The following CLN6 variants were observed in gnomAD, a reference collection of about 807,000 sequenced individuals.
CLN6 encodes ceroid-lipofuscinosis neuronal protein 6.
A neutral mutation model predicts 33.3 loss-of-function variants in CLN6; 22 were observed. That is an observed-to-expected ratio of 0.66 (90% CI 0.47 to 0.94). The LOEUF (loss-of-function observed/expected upper bound fraction) is 0.94, where lower values mean the gene tolerates loss of function less well. Among genes scored for constraint, CLN6 ranks in the 40% least tolerant of loss-of-function variants. CLN6 has a pLI of 0.00. For synonymous variants in CLN6, 201 were observed against 174.6 expected (o/e 1.15, Z -1.19); for missense variants, 387 against 417.1 (o/e 0.93, Z 0.63).
In CLN6 at chr15:68,214,296, C is replaced by G; in HGVS notation, c.291G>C (p.Leu97Phe). The G allele has an allele frequency of 6.2e-7, 1 of 1,612,696 alleles. No individual in the cohort carries two copies. Among genetic ancestry groups the G allele is most frequent in the Non-Finnish European group, 8.5e-7 (1 of 1,178,754 alleles). ...GGGGGCCCTGGGACAGTACCTTGAG[C>G]AAGAGAAAGGGCGTGATGACGTTGT... ...MAYNVITPFL[L>F]LKLIERSPRT... is the part of the protein sequence containing the mutation. Residue 97 changes from leucine to phenylalanine, a missense_variant, in exon 3 of 7, where the codon TTG becomes TTC. Leu to Phe is a conservative substitution (Grantham distance 22). Coordinates refer to ENST00000249806, the MANE Select transcript of CLN6 (RefSeq NM_017882.3).
upstream of CLN6, chr15:68,229,758 GCGGA>G (rs1176350264): frequency 1.6e-4 from 16 of 100,642 alleles, no homozygotes; most frequent in Admixed American, 1.9e-4. Flanking sequence ...GCGGGGCGGA[GCGGA>G]GCGGAGCGGA....
chr15:68,257,162 G>T (rs1022291533), upstream of CLN6: 2 of 306,742 alleles, frequency 6.5e-6, no homozygotes, highest in Non-Finnish European at 1.2e-5. Flanking sequence ...GCTGGAGGCA[G>T]CGGAACGCAC....
intron 2 of CLN6, chr15:68,214,629 T>A: frequency 2.0e-6 from 1 of 496,090 alleles, no homozygotes; most frequent in Non-Finnish European, 3.7e-6. Flanking sequence ...ACAGAGCAGA[T>A]GCAATTCCAG....
At chr15:68,230,345 A>T (rs899997584), upstream of CLN6, among the ~76,000 whole-genome samples, 2 of 152,054 alleles carry the variant, frequency 1.3e-5, no homozygotes, top group South Asian at 4.2e-4. This position sits in a 1 kb window ranked among gnomAD's most constrained non-coding sequence, Gnocchi z 4.0. Context: ...ATAAAGATTC[A>T]TCTTTGAACG....
Position 68,208,460 on chromosome 15 carries a change from G to A in CLN6, c.666-50C>T. ...GCAGCTGCCGTGGCAACCCCGTCCT[G>A]CCTGGCATCCCTTCCTGTGTGCGAG... On this transcript the variant is annotated intron_variant, in intron 6 of 6. Transcript: ENST00000249806. This position sits in a 1 kb window ranked among gnomAD's most constrained non-coding sequence, Gnocchi z 5.8. The A allele has an allele frequency of 6.2e-7, 1 of 1,605,572 alleles. No homozygotes were observed.
chr15:68,217,772 C>T (rs973755514), intron 2 of CLN6, among the ~76,000 whole-genome samples: 10 of 152,150 alleles, frequency 6.6e-5, no homozygotes, highest in Non-Finnish European at 1.2e-4. Flanking sequence ...CATGAATAGT[C>T]ACACTGTGCC....
chr15:68,229,873 T>G (rs1318492249), upstream of CLN6: 1 of 243,432 alleles, frequency 4.1e-6, no homozygotes, highest in Non-Finnish European at 7.6e-6. Context: ...TGCTGGCCTG[T>G]CCGGGCTGCG....
At chr15:68,255,625 A>C (rs1892426811) in intron 1 of CLN6, among the ~76,000 whole-genome samples, 1 of 152,220 alleles carries the variant, frequency 6.6e-6, no homozygotes, top group Admixed American at 6.5e-5. Flanking sequence ...AAGTCACTGC[A>C]TATGTTAACT....
upstream of CLN6, among the ~76,000 whole-genome samples, chr15:68,230,189 C>T (rs139148620): frequency 2.1e-4 from 32 of 152,126 alleles, no homozygotes; most frequent in Admixed American, 1.6e-3. This position sits in a 1 kb window ranked among gnomAD's most constrained non-coding sequence, Gnocchi z 4.0. Flanking sequence ...GAGTTGGTGA[C>T]ATCTAGAGTC....
At chr15:68,244,812 C>T (rs185907971) in intron 1 of CLN6, among the ~76,000 whole-genome samples, 11 of 152,098 alleles carry the variant, frequency 7.2e-5, no homozygotes, top group Non-Finnish European at 1.3e-4. Context: ...CCAGCACTTT[C>T]GGAGGCCAAG....
rs560499997 is a variant in CLN6, at chr15:68,242,069, A to C, written c.179+14621T>G. Among the ~76,000 whole-genome samples, 3 of 152,296 alleles carry C rather than the reference A, an allele frequency of 2.0e-5. No individual in the cohort carries two copies. In the South Asian group the frequency reaches 6.2e-4, roughly 32 times the overall value. On this transcript the variant is annotated intron_variant, in intron 1 of 6. Coordinates refer to the CLN6 transcript ENST00000538696. This position sits in a 1 kb window ranked among gnomAD's most constrained non-coding sequence, Gnocchi z 5.0. ...AAGAAATAACAGGAAACAGGAAACC[A>C]TGGGCACCCCAAACAGACAAAGCAT...
At chr15:68,214,439 C>A (rs1255145560) in intron 2 of CLN6, 51 bp from the exon 3 acceptor site, 2 of 1,424,104 alleles carry the variant, frequency 1.4e-6, no homozygotes, top group Non-Finnish European at 2.0e-6. Flanking sequence ...CCCACGCGGC[C>A]CTCGGGCCTC....
At chr15:68,255,043 C>T in intron 1 of CLN6, 2 of 623,272 alleles carry the variant, frequency 3.2e-6, no homozygotes, top group Middle Eastern at 4.5e-4. Context: ...GAACACTTCA[C>T]TGTGTTTTTT....
rs1026588122 is a variant in CLN6 at position 68,209,693 on chromosome 15, C to T, written c.609G>A (p.Glu203=). The T allele has an allele frequency of 2.5e-6, 4 of 1,613,828 alleles. No individual in the cohort carries two copies. Among genetic ancestry groups the T allele is most frequent in the East Asian group, 4.5e-5 (2 of 44,878 alleles). Residue 203 remains glutamate, a synonymous_variant, in exon 6 of 7, where the codon GAG becomes GAA. Transcript: ENST00000249806. This position sits in a 1 kb window ranked among gnomAD's most constrained non-coding sequence, Gnocchi z 4.9. ...FSGCFTASKA[E]SLIPGPALLL... ...GCAGGGCAGGCCCTGGAATCAAGCTCTCAGCTTTAGAGGCAGTAAAGCAGC... is the reference window on the plus strand; with the variant it reads ...GCAGGGCAGGCCCTGGAATCAAGCTTTCAGCTTTAGAGGCAGTAAAGCAGC...
chr15:68,235,581 A>AAAT (rs1567103316), intron 1 of CLN6, among the ~76,000 whole-genome samples: 30 of 70,810 alleles, frequency 4.2e-4, no homozygotes, highest in African/African-American at 1.4e-3. Flanking sequence ...AAAAAAAATA[A>AAAT]AAATAAATAT....
chr15:68,229,369 C>CT, intron 1 of CLN6, 133 bp downstream of exon 1: 1 of 610,220 alleles, frequency 1.6e-6, no homozygotes, highest in Non-Finnish European at 2.5e-6. Context: ...CCAAGCCCCC[C>CT]GCGCTCCGCT....
intron 1 of CLN6, among the ~76,000 whole-genome samples, chr15:68,237,790 A>G (rs1892234909): frequency 6.6e-6 from 1 of 152,234 alleles, no homozygotes; most frequent in African/African-American, 2.4e-5. Flanking sequence ...ATCTAATAAA[A>G]GACATGAGCC....
At position 68,208,031 on chromosome 15, in the gene CLN6, T is replaced by G. The variant is rs79572748; in HGVS notation, c.*109A>C. 3 of 1,214,934 alleles carry G rather than the reference T, an allele frequency of 2.5e-6. No homozygotes were observed. The highest frequency in any genetic ancestry group is 3.5e-6 in the Non-Finnish European group (3 of 852,890). The allele number at this position is 1,214,934 out of a possible 1,614,324, so 75.3% of individuals were successfully genotyped here. Reference sequence around the variant, plus strand: ...ACGCACACGAGGCACACCCCACTCATGCTCTCGGTCTCTGGTTACACACCC... The same window carrying G: ...ACGCACACGAGGCACACCCCACTCAGGCTCTCGGTCTCTGGTTACACACCC... On this transcript the variant is annotated 3_prime_UTR_variant, in exon 7 of 7. Transcript: ENST00000249806. The surrounding 1 kb of genome is among the most constrained non-coding windows in gnomAD (Gnocchi z 5.8).
chr15:68,238,852 T>A (rs188634269), intron 1 of CLN6, among the ~76,000 whole-genome samples: 2 of 152,304 alleles, frequency 1.3e-5, no homozygotes, highest in East Asian at 3.9e-4. Flanking sequence ...AGTATGTAAA[T>A]AATTCCAAAA....
Sources: allele counts gnomAD v4.1 joint callset (sites outside exome capture counted in the v4.1 genomes callset), GRCh38; gene constraint gnomAD v4.1.1; non-coding constraint Gnocchi (gnomAD v3.1); transcripts MANE v1.5; gene names NCBI Gene and HGNC (gene_info 2026-07-23, HGNC 2026-07-21).